Variants in NUBPL observed in about 807,000 individuals in gnomAD.
The protein encoded by NUBPL is iron-sulfur cluster transfer protein NUBPL.
In NUBPL, 31 loss-of-function variants were observed where a neutral mutation model predicts 45.7. The observed-to-expected ratio is 0.68, with a 90% CI of 0.51 to 0.92. The LOEUF (loss-of-function observed/expected upper bound fraction) is 0.92. Among genes scored for constraint, NUBPL ranks in the 40% least tolerant of loss-of-function variants. NUBPL has a pLI of 0.00. For missense variants in NUBPL, 401 were observed against 398.7 expected (o/e 1.01, Z -0.05); for synonymous variants, 144 against 140.9 (o/e 1.02, Z -0.15).
chr14:31,721,049 TGAAC>T (rs2037797295), intron 6 of NUBPL, among the ~76,000 whole-genome samples: 1 of 152,124 alleles, frequency 6.6e-6, no homozygotes, highest in Non-Finnish European at 1.5e-5. Flanking sequence ...TGTTGGCTGA[TGAAC>T]AAATAAGTAA....
At chr14:31,647,516 C>T (rs564344736) in intron 4 of NUBPL, among the ~76,000 whole-genome samples, 1 of 152,192 alleles carries the variant, frequency 6.6e-6, no homozygotes, top group Non-Finnish European at 1.5e-5. Context: ...ATGGAATATT[C>T]TGGCAATGTT....
chr14:31,581,504 T>C (rs940561669), intron 3 of NUBPL, among the ~76,000 whole-genome samples: 6 of 152,236 alleles, frequency 3.9e-5, no homozygotes, highest in African/African-American at 1.4e-4. Context: ...ATGTCTGGCT[T>C]ATTTCACTTA....
At chr14:31,829,197 A>AT (rs1329568125) in intron 8 of NUBPL, among the ~76,000 whole-genome samples, 2 of 152,076 alleles carry the variant, frequency 1.3e-5, no homozygotes, top group Non-Finnish European at 2.9e-5. Flanking sequence ...TAATTCTTCC[A>AT]AGTTGAAATT....
At chr14:31,572,868 A>G (rs2033624788) in intron 3 of NUBPL, among the ~76,000 whole-genome samples, 1 of 152,222 alleles carries the variant, frequency 6.6e-6, no homozygotes, top group African/African-American at 2.4e-5. Context: ...CCTGTATAGC[A>G]TGTTACTGTA....
intron 7 of NUBPL, among the ~76,000 whole-genome samples, chr14:31,825,992 G>A (rs890689465): frequency 3.3e-5 from 5 of 150,776 alleles, no homozygotes; most frequent in Middle Eastern, 3.2e-3. Context: ...CTGGCTATTG[G>A]ACTATTAATT....
chr14:31,819,194 T>C (rs1316078651), intron 7 of NUBPL, among the ~76,000 whole-genome samples: 1 of 152,202 alleles, frequency 6.6e-6, no homozygotes, highest in African/African-American at 2.4e-5. Flanking sequence ...CAATCTACTT[T>C]ATAGTTAATA....
chr14:31,655,435 G>A (rs190716656), intron 4 of NUBPL, among the ~76,000 whole-genome samples: 7 of 152,240 alleles, frequency 4.6e-5, no homozygotes, highest in African/African-American at 9.6e-5. Context: ...GGAATTGGCC[G>A]GGCATGGTGG....
At chr14:31,757,162 C>CT (rs1408361210) in intron 6 of NUBPL, among the ~76,000 whole-genome samples, 1 of 134,196 alleles carries the variant, frequency 7.5e-6, no homozygotes, top group Non-Finnish European at 1.7e-5. Flanking sequence ...CTAAAATTCT[C>CT]TTTTTTGGTT....
chr14:31,821,028 C>T (rs919750473), intron 7 of NUBPL, among the ~76,000 whole-genome samples: 1 of 151,942 alleles, frequency 6.6e-6, no homozygotes, highest in African/African-American at 2.4e-5. Flanking sequence ...GAGGCTGAGA[C>T]AGAAGAATTG....
chr14:31,640,663 C>T (rs2035666712), intron 4 of NUBPL, among the ~76,000 whole-genome samples: 1 of 151,112 alleles, frequency 6.6e-6, no homozygotes, highest in African/African-American at 2.4e-5. Flanking sequence ...CATCAAATTC[C>T]CTTAATCTTT....
chr14:31,733,530 G>C (rs992024212), intron 6 of NUBPL, among the ~76,000 whole-genome samples: 1 of 151,862 alleles, frequency 6.6e-6, no homozygotes, highest in African/African-American at 2.4e-5. Context: ...GTATTTTATA[G>C]GTTAATAAAG....
At chr14:31,640,974 A>T (rs1452665653) in intron 4 of NUBPL, among the ~76,000 whole-genome samples, 1 of 150,606 alleles carries the variant, frequency 6.6e-6, no homozygotes, top group Non-Finnish European at 1.5e-5. Flanking sequence ...TGTTTTTGAG[A>T]CAGAGTCCCA....
At chr14:31,793,828 C>CTTTTTTTT (rs55698198) in intron 7 of NUBPL, among the ~76,000 whole-genome samples, 55 of 127,540 alleles carry the variant, frequency 4.3e-4, no homozygotes, top group African/African-American at 6.1e-4. Context: ...CCTTATCTTT[C>CTTTTTTTT]TTTTTTTTTT....
intron 10 of NUBPL, among the ~76,000 whole-genome samples, chr14:31,858,702 T>C (rs1375482212): frequency 6.6e-6 from 1 of 152,182 alleles, no homozygotes; most frequent in Non-Finnish European, 1.5e-5. Flanking sequence ...AGATAAACTG[T>C]AGCATGGTAA....
chr14:31,604,569 G>A (rs969852533), intron 4 of NUBPL, among the ~76,000 whole-genome samples: 1 of 152,272 alleles, frequency 6.6e-6, no homozygotes, highest in Middle Eastern at 3.4e-3. Context: ...CAAGCAGTGG[G>A]ACTTCAGAAT....
chr14:31,836,286 A>G (rs907747389), intron 8 of NUBPL, among the ~76,000 whole-genome samples: 4 of 152,160 alleles, frequency 2.6e-5, no homozygotes, highest in Admixed American at 1.3e-4. Context: ...CTTTCAGTAA[A>G]AGTAGCTGAG....
intron 4 of NUBPL, among the ~76,000 whole-genome samples, chr14:31,631,375 T>C (rs1303274649): frequency 6.6e-6 from 1 of 151,996 alleles, no homozygotes; most frequent in African/African-American, 2.4e-5. Flanking sequence ...GTCAGATGAA[T>C]CCATCATCTG....
At chr14:31,605,890 T>C (rs1197600235) in intron 4 of NUBPL, among the ~76,000 whole-genome samples, 1 of 137,622 alleles carries the variant, frequency 7.3e-6, no homozygotes, top group South Asian at 2.4e-4. Context: ...CTCCTCCTTG[T>C]CTCCTCCCTT....
chr14:31,848,493 T>C (rs1040304044), intron 9 of NUBPL, among the ~76,000 whole-genome samples: 2 of 152,218 alleles, frequency 1.3e-5, no homozygotes, highest in African/African-American at 4.8e-5. Context: ...GAGAACCTTA[T>C]CTGTATTTAC....
Sources: allele counts gnomAD v4.1 joint callset (sites outside exome capture counted in the v4.1 genomes callset), GRCh38; gene constraint gnomAD v4.1.1; transcripts MANE v1.5; gene names NCBI Gene and HGNC (gene_info 2026-07-23, HGNC 2026-07-21).